The following VDAC2 variants were observed in gnomAD, a reference collection of about 807,000 sequenced individuals.
VDAC2 encodes non-selective voltage-gated ion channel VDAC2.
In VDAC2, 6 loss-of-function variants were observed where a neutral mutation model predicts 36.6. The observed-to-expected ratio is 0.16, with a 90% CI of 0.09 to 0.32. The LOEUF is 0.32. Among genes scored for constraint, VDAC2 ranks in the 10% least tolerant of loss-of-function variants. The pLI, the probability that VDAC2 is intolerant of heterozygous loss-of-function variation, is 1.00. For missense variants in VDAC2, 247 were observed against 346.0 expected (o/e 0.71, Z 2.27); for synonymous variants, 109 against 123.8 (o/e 0.88, Z 0.79).
intron 4 of VDAC2, among the ~76,000 whole-genome samples, chr10:75,217,728 T>G (rs186557299): frequency 3.2e-4 from 49 of 152,272 alleles, no homozygotes; most frequent in Admixed American, 3.1e-3. Flanking sequence ...TGACTTGAAA[T>G]TCCTGTTAAT....
In VDAC2 at chr10:75,219,371, T is replaced by C. The variant is rs367568930; in HGVS notation, c.356+15T>C. 6.3e-7 allele frequency: 1 copy of C among 1,576,768 alleles called. No individual in the cohort carries two copies. ...CCAAACACAGGGTAAGCACAGACAT[T>C]TTTATCTGTATTACATTTAAAAGTA... is the stretch of plus-strand genomic sequence containing the variant. On this transcript the variant is annotated intron_variant, in intron 6 of 9. Transcript: ENST00000332211.
chr10:75,211,104 A>G (rs955096627), intron 1 of VDAC2, 30 bp from the exon 2 acceptor site: 1 of 1,586,894 alleles, frequency 6.3e-7, no homozygotes, highest in Non-Finnish European at 8.6e-7. Flanking sequence ...CTTTGACCCC[A>G]GCTTACCGCA....
rs1841406818 is a variant in VDAC2, at chr10:75,211,189, C to A, written c.31C>A (p.Pro11Thr). Residue 11 changes from proline (P) to threonine (T), a missense_variant and splice_region_variant, in exon 2 of 10, where the codon CCA becomes ACA. Transcript: ENST00000332211. MATHGQTCAR[P>T]MCIPPSYADL... ...GACCCACGGACAGACTTGCGCGCGT[C>A]GTAAGTAAAGCTGGGATCTCTGCGG... 1 of 1,613,192 alleles carries A rather than the reference C, an allele frequency of 6.2e-7. No homozygotes were observed. Among genetic ancestry groups the A allele is most frequent in the Non-Finnish European group, 8.5e-7 (1 of 1,179,656 alleles).
At chr10:75,211,526 TG>T (rs1841420448) in intron 2 of VDAC2, 22 of 1,547,532 alleles carry the variant, frequency 1.4e-5, no homozygotes, top group Non-Finnish European at 1.8e-5. Context: ...GTCCCTCTTG[TG>T]AGAGCGCAAG....
chr10:75,211,239 C>T (rs767697335), intron 2 of VDAC2, 50 bp downstream of exon 2: 2 of 1,601,364 alleles, frequency 1.2e-6, no homozygotes, highest in Admixed American at 1.7e-5. Flanking sequence ...GAGTCGAAGC[C>T]TGTCGACCAG....
rs137860373 is a variant in VDAC2, at chr10:75,217,270, A to C, written c.151-1793A>C. Among the ~76,000 whole-genome samples, 567 of 152,264 alleles carry C rather than the reference A, an allele frequency of 3.7e-3. 2 individuals carry two copies. Among genetic ancestry groups the C allele is most frequent in the Non-Finnish European group, 4.2e-3 (286 of 68,006 alleles). On this transcript the variant is annotated intron_variant, in intron 4 of 9. Coordinates refer to ENST00000332211, the MANE Select transcript of VDAC2 (RefSeq NM_001391963.1). ...AGACCCTGTCTCCAAAAAAAACCGC[A>C]AAATGTTGTGTCCTGCTCAGTGTGA...
chr10:75,225,369 A>G (rs989815555), intron 8 of VDAC2, among the ~76,000 whole-genome samples: 1 of 152,256 alleles, frequency 6.6e-6, no homozygotes, highest in Non-Finnish European at 1.5e-5. Flanking sequence ...CAGCAGACTC[A>G]GATCCAAGTG....
In VDAC2 at chr10:75,212,270, T is replaced by C; in HGVS notation, c.72T>C (p.Ala24=). 3 of 1,613,660 alleles carry C rather than the reference T, an allele frequency of 1.9e-6. No homozygotes were observed. The highest frequency in any genetic ancestry group is 2.5e-6 in the Non-Finnish European group (3 of 1,179,926). The change falls in exon 3 of 10, where the codon GCT becomes GCC. Residue 24 remains alanine (A), a synonymous_variant. Coordinates refer to ENST00000332211, the MANE Select transcript of VDAC2 (RefSeq NM_001391963.1). The part of the protein sequence containing the change: ...IPPSYADLGK[A]ARDIFNKGFG... The stretch of plus-strand genomic sequence containing the variant: ...CATCATATGCTGACCTTGGCAAAGC[T>C]GCCAGAGATATTTTCAACAAAGGAT...
chr10:75,221,088 A>C, intron 7 of VDAC2, 118 bp downstream of exon 7: 4 of 1,095,150 alleles, frequency 3.7e-6, no homozygotes, highest in Non-Finnish European at 5.2e-6. Context: ...TAAAAACAAA[A>C]TCATTCTTGG....
At chr10:75,216,464 T>G (rs762208914) in intron 4 of VDAC2, among the ~76,000 whole-genome samples, 5 of 152,232 alleles carry the variant, frequency 3.3e-5, no homozygotes, top group Non-Finnish European at 5.9e-5. Context: ...TTTATTCACA[T>G]TTAATACATG....
intron 4 of VDAC2, among the ~76,000 whole-genome samples, chr10:75,214,502 T>A (rs1841536731): frequency 1.3e-5 from 2 of 152,162 alleles, no homozygotes; most frequent in African/African-American, 4.8e-5. Context: ...CCACATGTAT[T>A]TTATGAGTTT....
At chr10:75,230,863 C>A (rs531773764) in intron 9 of VDAC2, 35 bp from the exon 10 acceptor site, 1 of 1,585,746 alleles carries the variant, frequency 6.3e-7, no homozygotes, top group Middle Eastern at 1.7e-4. Flanking sequence ...AGGTACATCA[C>A]GGTTTTTTGT....
chr10:75,229,928 T>G (rs1364611792), intron 9 of VDAC2, among the ~76,000 whole-genome samples: 1 of 151,990 alleles, frequency 6.6e-6, no homozygotes, highest in Admixed American at 6.6e-5. Flanking sequence ...GGCCCGTCTC[T>G]TCTTTTCTGC....
At chr10:75,223,007 T>C (rs554597025) in intron 8 of VDAC2, among the ~76,000 whole-genome samples, 72 of 149,254 alleles carry the variant, frequency 4.8e-4, no homozygotes, top group Non-Finnish European at 8.1e-4. Flanking sequence ...TTTTTTGAGA[T>C]GGAGTCTCTG....
At chr10:75,213,415 A>C (rs1405704531) in intron 3 of VDAC2, among the ~76,000 whole-genome samples, 1 of 152,148 alleles carries the variant, frequency 6.6e-6, no homozygotes, top group Non-Finnish European at 1.5e-5. Flanking sequence ...CTGAAATTTC[A>C]GTTGAATGAT....
chr10:75,214,265 A>T (rs953979432), intron 4 of VDAC2, among the ~76,000 whole-genome samples, 195 bp downstream of exon 4: 1 of 152,192 alleles, frequency 6.6e-6, no homozygotes, highest in Admixed American at 6.5e-5. Context: ...GTCTTTCGTC[A>T]TATTATGTAT....
intron 3 of VDAC2, among the ~76,000 whole-genome samples, chr10:75,213,641 G>C (rs930537631): frequency 1.3e-5 from 2 of 152,164 alleles, no homozygotes; most frequent in African/African-American, 4.8e-5. Flanking sequence ...CTACTCGGGA[G>C]ACTGAGGCAG....
chr10:75,229,619 C>A (rs775493059), intron 8 of VDAC2, 25 bp from the exon 9 acceptor site: 2 of 1,572,698 alleles, frequency 1.3e-6, no homozygotes, highest in African/African-American at 2.7e-5. Context: ...ATTTTTCTTA[C>A]AGTTGTTTTT....
intron 4 of VDAC2, among the ~76,000 whole-genome samples, chr10:75,215,179 G>A (rs566812709): frequency 2.0e-5 from 3 of 152,148 alleles, no homozygotes; most frequent in South Asian, 2.1e-4. Context: ...CTCCCAAAGT[G>A]CTGGGATTAC....
Sources: allele counts gnomAD v4.1 joint callset (sites outside exome capture counted in the v4.1 genomes callset), GRCh38; gene constraint gnomAD v4.1.1; transcripts MANE v1.5; gene names NCBI Gene and HGNC (gene_info 2026-07-23, HGNC 2026-07-21).